LMNTD1: variants seen among roughly 807,000 people sequenced by gnomAD.
LMNTD1 encodes the protein lamin tail domain-containing protein 1.
LMNTD1 carries 35 observed loss-of-function variants against 50.9 expected under a neutral mutation model. The ratio of observed to expected loss-of-function variants is 0.69; its 90% CI spans 0.53 to 0.91. The LOEUF (loss-of-function observed/expected upper bound fraction) is 0.91, where lower values mean the gene tolerates loss of function less well. Among genes scored for constraint, LMNTD1 ranks in the 40% least tolerant of loss-of-function variants. LMNTD1 has a pLI of 0.00. For missense variants in LMNTD1, 470 were observed against 475.5 expected, an observed-to-expected ratio of 0.99 and a Z score of 0.11; for synonymous variants, 153 against 161.9, an observed-to-expected ratio of 0.94 and a Z score of 0.42.
intron 9 of LMNTD1, among the ~76,000 whole-genome samples, chr12:25,495,092 T>C (rs1482925631): frequency 6.6e-6 from 1 of 152,130 alleles, no homozygotes; most frequent in Non-Finnish European, 1.5e-5. Flanking sequence ...ATAGCAAAAG[T>C]TTGCCCTCTA....
At chr12:25,615,752 C>T (rs1332979523) in intron 1 of LMNTD1, among the ~76,000 whole-genome samples, 3 of 152,178 alleles carry the variant, frequency 2.0e-5, no homozygotes, top group Admixed American at 6.5e-5. Flanking sequence ...TGAGCCATGG[C>T]GCCCAGCCTA....
At chr12:25,578,968 A>T (rs1945153855) in intron 1 of LMNTD1, among the ~76,000 whole-genome samples, 1 of 152,230 alleles carries the variant, frequency 6.6e-6, no homozygotes, top group Non-Finnish European at 1.5e-5. Flanking sequence ...AGATCTGTTC[A>T]GCATCCTGAT....
intron 1 of LMNTD1, among the ~76,000 whole-genome samples, chr12:25,579,820 C>T (rs981715812): frequency 5.3e-5 from 8 of 152,122 alleles, no homozygotes; most frequent in African/African-American, 1.9e-4. Context: ...CTCTTTTCAA[C>T]AATACCGGTA....
At chr12:25,599,292 C>T (rs1945911796) in intron 1 of LMNTD1, among the ~76,000 whole-genome samples, 1 of 151,808 alleles carries the variant, frequency 6.6e-6, no homozygotes, top group South Asian at 2.1e-4. Context: ...AAGCTGAGTA[C>T]AGAAGGGACA....
At position 25,635,817 on chromosome 12, in the gene LMNTD1, T is replaced by C. The variant is rs186520129; in HGVS notation, c.58+12677A>G. On this transcript the variant is annotated intron_variant, in intron 1 of 7. Coordinates refer to the LMNTD1 transcript ENST00000445693. Reference sequence around the variant, plus strand: ...AGACCAATGGAACAGAATAGAAAACTGAAATAAACCCACATACTTACAGGC... The same window carrying C: ...AGACCAATGGAACAGAATAGAAAACCGAAATAAACCCACATACTTACAGGC... Among the ~76,000 whole-genome samples, 5 of 151,954 alleles carry C rather than the reference T, an allele frequency of 3.3e-5. No homozygotes were observed. The East Asian group carries it at 9.6e-4, about 29-fold the overall frequency.
intron 2 of LMNTD1, among the ~76,000 whole-genome samples, chr12:25,552,075 G>A (rs1565471775): frequency 6.6e-6 from 1 of 152,018 alleles, no homozygotes; most frequent in African/African-American, 2.4e-5. Flanking sequence ...AGGACTTGTA[G>A]GTCCAAAGTA....
Position 25,593,786 on chromosome 12 carries a change from C to T in LMNTD1, c.59-47232G>A, listed in dbSNP as rs867243932. Among the ~76,000 whole-genome samples the T allele has an allele frequency of 8.8e-5, 13 of 147,178 alleles. No homozygotes were observed. In the South Asian group the frequency reaches 2.2e-3, roughly 25 times the overall value. ...GGAGGCACCAGAGAAAGTCAAAGCC[C>T]AATCTAAGGAAATTAAAAAAAAAAA... is the stretch of plus-strand genomic sequence containing the variant. On this transcript the variant is annotated intron_variant, in intron 1 of 7. Coordinates refer to the LMNTD1 transcript ENST00000445693.
chr12:25,495,016 A>G (rs1287276679), intron 9 of LMNTD1, among the ~76,000 whole-genome samples: 1 of 152,140 alleles, frequency 6.6e-6, no homozygotes, highest in African/African-American at 2.4e-5. Flanking sequence ...GTTATTACGA[A>G]TGTAAAACTT....
At chr12:25,538,967 G>C (rs1344687182) in intron 4 of LMNTD1, among the ~76,000 whole-genome samples, 2 of 149,310 alleles carry the variant, frequency 1.3e-5, no homozygotes, top group African/African-American at 2.5e-5. Flanking sequence ...AAGATCAAAA[G>C]AGACAAAGAA....
At chr12:25,477,124 C>T (rs546545406) in intron 9 of LMNTD1, among the ~76,000 whole-genome samples, 3 of 152,194 alleles carry the variant, frequency 2.0e-5, no homozygotes, top group Admixed American at 1.3e-4. Flanking sequence ...GCTATATGAA[C>T]GTTTTTCTGA....
chr12:25,487,236 T>C (rs1226241248), intron 9 of LMNTD1, among the ~76,000 whole-genome samples: 6 of 119,912 alleles, frequency 5.0e-5, no homozygotes, highest in African/African-American at 1.9e-4. Flanking sequence ...CAGTGGGGTG[T>C]TAAAGTCTCC....
At position 25,586,592 on chromosome 12, in the gene LMNTD1, T is replaced by A. The variant is rs947614950; in HGVS notation, c.59-40038A>T. 3.9e-5 allele frequency among the ~76,000 whole-genome samples: 6 copies of A among 152,212 alleles called. No homozygotes were observed. The East Asian group carries it at 1.2e-3, about 29-fold the overall frequency. ...GGTTGAAAAGTCATGCGGCACTTTC[T>A]GAGGATCTTCTCAGAAAGACCATTG... On this transcript the variant is annotated intron_variant, in intron 1 of 7. Transcript: ENST00000445693.
intron 1 of LMNTD1, among the ~76,000 whole-genome samples, chr12:25,646,151 C>T (rs1482310083): frequency 6.6e-6 from 1 of 151,766 alleles, no homozygotes; most frequent in Non-Finnish European, 1.5e-5. Flanking sequence ...ATAGTAAACC[C>T]CAAGCTATGA....
chr12:25,590,209 G>T (rs1329160745), intron 1 of LMNTD1, among the ~76,000 whole-genome samples: 1 of 152,178 alleles, frequency 6.6e-6, no homozygotes, highest in African/African-American at 2.4e-5. Context: ...CTTCCTGGCA[G>T]CAGCAGTGTG....
intron 9 of LMNTD1, among the ~76,000 whole-genome samples, chr12:25,494,094 A>G (rs188967028): frequency 2.0e-5 from 3 of 152,324 alleles, no homozygotes; most frequent in African/African-American, 7.2e-5. Flanking sequence ...GAGGCATAAG[A>G]CATAAACTTG....
chr12:25,553,027 G>A (rs749444522), intron 1 of LMNTD1, 38 bp from the exon 2 acceptor site: 2 of 1,604,188 alleles, frequency 1.2e-6, no homozygotes, highest in African/African-American at 1.3e-5. Flanking sequence ...GACGAATATG[G>A]CTGAGGTTCA....
intron 1 of LMNTD1, among the ~76,000 whole-genome samples, chr12:25,572,166 G>A (rs1412638847): frequency 1.3e-5 from 2 of 152,148 alleles, no homozygotes; most frequent in Non-Finnish European, 2.9e-5. Flanking sequence ...GATAGAAAGA[G>A]CATTGTCATA....
rs568562686 is a variant in LMNTD1 at position 25,593,550 on chromosome 12, A to T, written c.59-46996T>A. On this transcript the variant is annotated intron_variant, in intron 1 of 7. Coordinates refer to the LMNTD1 transcript ENST00000445693. ...AGGGACCATCCCATGGGACAAAAAA[A>T]TCTGAACAGCCTTGAGCCCTAGGCC... Among the ~76,000 whole-genome samples the T allele has an allele frequency of 3.3e-5, 5 of 152,298 alleles. No individual in the cohort carries two copies. In the East Asian group the frequency reaches 7.7e-4, roughly 24 times the overall value.
At chr12:25,530,024 C>A (rs1027003773) in intron 4 of LMNTD1, among the ~76,000 whole-genome samples, 1 of 152,050 alleles carries the variant, frequency 6.6e-6, no homozygotes, top group African/African-American at 2.4e-5. Flanking sequence ...TTTCAGCCTT[C>A]TTATTATTTT....
Sources: allele counts gnomAD v4.1 joint callset (sites outside exome capture counted in the v4.1 genomes callset), GRCh38; gene constraint gnomAD v4.1.1; transcripts MANE v1.5; gene names NCBI Gene and HGNC (gene_info 2026-07-23, HGNC 2026-07-21).